Variants in KDM4C observed in about 807,000 individuals in gnomAD.
KDM4C encodes the protein lysine-specific demethylase 4C.
KDM4C carries 81 observed loss-of-function variants against 129.3 expected under a neutral mutation model. The observed-to-expected ratio is 0.63, with a 90% CI of 0.52 to 0.75. The LOEUF (loss-of-function observed/expected upper bound fraction) is 0.75. Among genes scored for constraint, KDM4C ranks in the 30% least tolerant of loss-of-function variants. The pLI is 0.00. For synonymous variants in KDM4C, 573 were observed against 456.1 expected (o/e 1.26, Z -3.26); for missense variants, 1,457 against 1,304.0 (o/e 1.12, Z -1.81).
chr9:6,917,847 T>C (rs1366989829), intron 8 of KDM4C, among the ~76,000 whole-genome samples: 1 of 152,198 alleles, frequency 6.6e-6, no homozygotes, highest in African/African-American at 2.4e-5. Flanking sequence ...TGGGTCTAAG[T>C]GAGGCCACTT....
At chr9:6,757,669 G>T (rs1413705847), upstream of KDM4C, 2 of 985,518 alleles carry the variant, frequency 2.0e-6, no homozygotes, top group Non-Finnish European at 2.4e-6. Context: ...CGCCCAGGAG[G>T]ACGTGTGGCG....
At chr9:6,774,051 T>TAA (rs1822481027) in intron 1 of KDM4C, among the ~76,000 whole-genome samples, 1 of 151,974 alleles carries the variant, frequency 6.6e-6, no homozygotes, top group Non-Finnish European at 1.5e-5. Context: ...CTATACCTGG[T>TAA]TAATTTTTGT....
intron 17 of KDM4C, among the ~76,000 whole-genome samples, chr9:7,061,010 C>G (rs1338436955): frequency 6.6e-6 from 1 of 152,196 alleles, no homozygotes; most frequent in East Asian, 1.9e-4. Context: ...CCATCCATCT[C>G]TTTATTGTCA....
intron 3 of KDM4C, among the ~76,000 whole-genome samples, chr9:6,807,585 G>T (rs1173555091): frequency 6.6e-6 from 1 of 150,748 alleles, no homozygotes. Flanking sequence ...CCCCGTCTGG[G>T]AGGTGAGGAG....
rs1360611781 is a variant in KDM4C at position 6,728,550 on chromosome 9, AAACG to A, written c.49+7556_49+7559del. Among the ~76,000 whole-genome samples, 3 of 150,832 alleles carry A rather than the reference AAACG, an allele frequency of 2.0e-5. 1 individual carries two copies. The Admixed American group carries it at 2.0e-4, about 10-fold the overall frequency. On this transcript the variant is annotated intron_variant, in intron 1 of 17. Coordinates refer to the KDM4C transcript ENST00000536108. ...TACTCTGAAAAAACAAACAAACAAA[AAACG>A]AAGTATTCTTGGCCGGGCTCAGTGG...
chr9:6,980,945 G>A lies in KDM4C; in HGVS notation c.942G>A (p.Met314Ile). ...TTCAGTGCACTTGCAGGAAAGACATGGTGAAGATTTCAATGGATATCTTTG... is the reference window on the plus strand; with the variant it reads ...TTCAGTGCACTTGCAGGAAAGACATAGTGAAGATTTCAATGGATATCTTTG... ...VAKLCTCRKD[M>I]VKISMDIFVR... Residue 314 changes from methionine to isoleucine, a missense_variant, in exon 9 of 22, where the codon ATG becomes ATA. Coordinates refer to ENST00000381309, the MANE Select transcript of KDM4C (RefSeq NM_015061.6). 1 of 1,613,560 alleles carries A rather than the reference G, an allele frequency of 6.2e-7. No homozygotes were observed. Among genetic ancestry groups the A allele is most frequent in the Non-Finnish European group, 8.5e-7 (1 of 1,179,708 alleles).
chr9:7,061,343 C>T (rs1368444964), intron 17 of KDM4C, among the ~76,000 whole-genome samples: 4 of 152,176 alleles, frequency 2.6e-5, no homozygotes, highest in Admixed American at 1.3e-4. Context: ...AAACCTGTCC[C>T]GGAATCTTCT....
chr9:7,024,732 A>G (rs983345685), intron 15 of KDM4C, among the ~76,000 whole-genome samples: 1 of 152,168 alleles, frequency 6.6e-6, no homozygotes, highest in Non-Finnish European at 1.5e-5. Context: ...CCAGTCTACC[A>G]TTGTTGGACA....
At chr9:6,856,141 T>A (rs1031997303) in intron 5 of KDM4C, among the ~76,000 whole-genome samples, 2 of 151,726 alleles carry the variant, frequency 1.3e-5, no homozygotes, top group African/African-American at 4.9e-5. Context: ...CAGTGAACAG[T>A]CTTACTGAAG....
intron 8 of KDM4C, among the ~76,000 whole-genome samples, chr9:6,907,059 C>T (rs771965980): frequency 5.3e-5 from 8 of 152,122 alleles, no homozygotes; most frequent in Non-Finnish European, 1.0e-4. Context: ...TGAAAATATG[C>T]TTACAAGCAT....
chr9:6,742,553 T>G (rs1341907964), intron 1 of KDM4C, among the ~76,000 whole-genome samples: 4 of 144,732 alleles, frequency 2.8e-5, no homozygotes, highest in Admixed American at 7.0e-5. Context: ...CCATTGTTTC[T>G]TCAACTTTTT....
chr9:7,070,437 T>C (rs1833036351), intron 17 of KDM4C, among the ~76,000 whole-genome samples: 1 of 152,298 alleles, frequency 6.6e-6, no homozygotes, highest in Non-Finnish European at 1.5e-5. Flanking sequence ...AGGAAAACTG[T>C]AGACCCATAT....
intron 1 of KDM4C, chr9:6,749,105 TG>T (rs2130297382): frequency 2.3e-6 from 1 of 437,758 alleles, no homozygotes; most frequent in East Asian, 5.5e-5. Flanking sequence ...CTGCAACCTC[TG>T]CCTCCTAGGT....
chr9:6,898,452 C>T (rs1353731921), intron 8 of KDM4C, among the ~76,000 whole-genome samples: 7 of 152,054 alleles, frequency 4.6e-5, no homozygotes, highest in Admixed American at 3.9e-4. Context: ...TAGTTGGTGA[C>T]ACAAAAATGA....
chr9:7,006,233 A>G (rs1259639659), intron 12 of KDM4C, among the ~76,000 whole-genome samples: 1 of 152,236 alleles, frequency 6.6e-6, no homozygotes, highest in Non-Finnish European at 1.5e-5. Context: ...AGTGAATTTC[A>G]GCAAGCCTGA....
intron 18 of KDM4C, among the ~76,000 whole-genome samples, chr9:7,106,461 G>C (rs1587672785): frequency 6.6e-6 from 1 of 152,160 alleles, no homozygotes; most frequent in Non-Finnish European, 1.5e-5. Context: ...TTGTTTTACA[G>C]AATAATGGAG....
At chr9:6,897,947 T>C (rs1311672193) in intron 8 of KDM4C, among the ~76,000 whole-genome samples, 1 of 152,224 alleles carries the variant, frequency 6.6e-6, no homozygotes, top group Non-Finnish European at 1.5e-5. Flanking sequence ...GGAGCATTCT[T>C]TCCTTCTGTG....
chr9:6,810,018 G>C (rs1363914749), intron 3 of KDM4C, among the ~76,000 whole-genome samples: 1 of 151,010 alleles, frequency 6.6e-6, no homozygotes, highest in Non-Finnish European at 1.5e-5. Flanking sequence ...TTCAAATATA[G>C]CCATATATAA....
intron 17 of KDM4C, among the ~76,000 whole-genome samples, chr9:7,063,335 C>A (rs920526004): frequency 1.3e-5 from 2 of 152,068 alleles, no homozygotes; most frequent in African/African-American, 4.8e-5. Context: ...TGGAAGATAC[C>A]AGCTTGACTG....
Sources: allele counts gnomAD v4.1 joint callset (sites outside exome capture counted in the v4.1 genomes callset), GRCh38; gene constraint gnomAD v4.1.1; transcripts MANE v1.5; gene names NCBI Gene and HGNC (gene_info 2026-07-23, HGNC 2026-07-21).